Variants in ZNF90 observed in about 807,000 individuals in gnomAD.
ZNF90 encodes the protein zinc finger protein 90, also known as zinc finger protein HTF9.
Under a neutral mutation model 12.0 loss-of-function variants are expected in ZNF90, and 11 were observed. The observed-to-expected ratio is 0.92, with a 90% CI of 0.58 to 1.52. The LOEUF is 1.52. Ranked by LOEUF, ZNF90 falls within the 40% of genes most tolerant of loss-of-function variation. The pLI is 0.00. For missense variants in ZNF90, 765 were observed against 711.5 expected, an observed-to-expected ratio of 1.08 and a Z score of -0.86; for synonymous variants, 232 against 240.1, an observed-to-expected ratio of 0.97 and a Z score of 0.31.
intron 3 of ZNF90, among the ~76,000 whole-genome samples, chr19:20,115,560 A>T (rs1167620338): frequency 6.6e-6 from 1 of 151,906 alleles, no homozygotes; most frequent in Non-Finnish European, 1.5e-5. Context: ...TGGTAAAAAA[A>T]TAACTTAAGT....
intron 1 of ZNF90, among the ~76,000 whole-genome samples, chr19:20,087,961 C>T (rs980157841): frequency 6.6e-6 from 1 of 152,040 alleles, no homozygotes; most frequent in East Asian, 1.9e-4. Flanking sequence ...GTGATGTCAA[C>T]AGTTAAGGCA....
intron 3 of ZNF90, among the ~76,000 whole-genome samples, chr19:20,111,444 C>T (rs2089088101): frequency 6.6e-6 from 1 of 152,024 alleles, no homozygotes; most frequent in Non-Finnish European, 1.5e-5. Flanking sequence ...TGGCCTTGAA[C>T]TCCTGGGATC....
rs553704192 is a variant in ZNF90, at chr19:20,096,577, G to A, written c.4-7662G>A. Among the ~76,000 whole-genome samples, 254 of 152,268 alleles carry A rather than the reference G, an allele frequency of 1.7e-3. 1 individual carries two copies. The highest frequency in any genetic ancestry group is 4.8e-3 in the African/African-American group (200 of 41,546). On this transcript the variant is annotated intron_variant, in intron 1 of 3. Coordinates refer to ENST00000418063, the MANE Select transcript of ZNF90 (RefSeq NM_007138.2). Reference sequence around the variant, plus strand: ...GGGGGTGCTTTTTGAGCCAGGATGAGCCAGGAAAAGGACTTTCACAAGGTA... The same window carrying A: ...GGGGGTGCTTTTTGAGCCAGGATGAACCAGGAAAAGGACTTTCACAAGGTA...
At chr19:20,086,640 A>C (rs1159812987) in intron 1 of ZNF90, among the ~76,000 whole-genome samples, 1 of 152,178 alleles carries the variant, frequency 6.6e-6, no homozygotes, top group African/African-American at 2.4e-5. Context: ...AAATGTTTTA[A>C]CTGAAGTATA....
intron 1 of ZNF90, among the ~76,000 whole-genome samples, chr19:20,096,020 G>A (rs949032131): frequency 6.6e-6 from 1 of 152,182 alleles, no homozygotes; most frequent in Admixed American, 6.5e-5. Flanking sequence ...ACCGGTGCCG[G>A]AGTTTTGGGT....
chr19:20,082,440 C>T (rs1274027091), intron 1 of ZNF90, among the ~76,000 whole-genome samples: 1 of 152,182 alleles, frequency 6.6e-6, no homozygotes, highest in African/African-American at 2.4e-5. Context: ...ATTCTTCTGC[C>T]TTGAGATACT....
At chr19:20,104,626 T>C (rs1568288488) in intron 2 of ZNF90, among the ~76,000 whole-genome samples, 1 of 152,202 alleles carries the variant, frequency 6.6e-6, no homozygotes, top group Non-Finnish European at 1.5e-5. Context: ...CATAAAATAT[T>C]GTTACCTCCA....
intron 1 of ZNF90, among the ~76,000 whole-genome samples, chr19:20,098,321 G>A (rs2088964398): frequency 6.6e-6 from 1 of 152,226 alleles, no homozygotes; most frequent in Non-Finnish European, 1.5e-5. Context: ...TGAGATGTCA[G>A]CAAAGACAGC....
intron 1 of ZNF90, among the ~76,000 whole-genome samples, chr19:20,099,068 A>C (rs2122498880): frequency 6.6e-6 from 1 of 152,348 alleles, no homozygotes; most frequent in South Asian, 2.1e-4. Context: ...TGGTACAACA[A>C]ATACACGTGT....
Position 20,078,101 on chromosome 19 carries a change from T to G in ZNF90, c.-32T>G. Reference sequence around the variant, plus strand: ...CCTGTGACCTGCAGGTATTGGGAGATCCACAGCTGAGGGACCCCCGGAAGC... The same window carrying G: ...CCTGTGACCTGCAGGTATTGGGAGAGCCACAGCTGAGGGACCCCCGGAAGC... On this transcript the variant is annotated 5_prime_UTR_variant, in exon 1 of 4. Coordinates refer to ENST00000418063, the MANE Select transcript of ZNF90 (RefSeq NM_007138.2). 1 of 1,614,072 alleles carries G rather than the reference T, an allele frequency of 6.2e-7. No homozygotes were observed. Among genetic ancestry groups the G allele is most frequent in the East Asian group, 2.2e-5 (1 of 44,890 alleles).
At position 20,091,089 on chromosome 19, in the gene ZNF90, C is replaced by T. The variant is rs61169270; in HGVS notation, c.3+12954C>T. 4.3e-3 allele frequency among the ~76,000 whole-genome samples: 654 copies of T among 151,998 alleles called. 5 individuals are homozygous for T. The highest frequency in any genetic ancestry group is 0.014 in the African/African-American group (593 of 41,276). On this transcript the variant is annotated intron_variant, in intron 1 of 3. Transcript: ENST00000418063. ...TCTGACAGAAGGGAAGAAATGACCG[C>T]GGTGGCCTTTCAGACCCTGTGGGGA...
chr19:20,079,566 G>A (rs559889626), intron 1 of ZNF90, among the ~76,000 whole-genome samples: 1 of 152,310 alleles, frequency 6.6e-6, no homozygotes, highest in East Asian at 1.9e-4. Flanking sequence ...CTAGGGAGGA[G>A]CAAAGAAGTT....
chr19:20,113,936 AT>A (rs2089114204), intron 3 of ZNF90, among the ~76,000 whole-genome samples: 1 of 152,078 alleles, frequency 6.6e-6, no homozygotes, highest in Non-Finnish European at 1.5e-5. Flanking sequence ...CTAACTCTGT[AT>A]TTTTTTAAGG....
At chr19:20,096,724 C>G (rs1555703324) in intron 1 of ZNF90, among the ~76,000 whole-genome samples, 2 of 152,130 alleles carry the variant, frequency 1.3e-5, no homozygotes, top group African/African-American at 4.8e-5. Context: ...ACCATCTGGG[C>G]ATATACGTGC....
chr19:20,106,296 G>A (rs1219967760), intron 3 of ZNF90, among the ~76,000 whole-genome samples: 2 of 151,850 alleles, frequency 1.3e-5, no homozygotes, highest in Non-Finnish European at 2.9e-5. Context: ...TCTAGAAACA[G>A]CAACTTTTTA....
chr19:20,109,408 A>C (rs1471753194), intron 3 of ZNF90, among the ~76,000 whole-genome samples: 1 of 152,260 alleles, frequency 6.6e-6, no homozygotes, highest in East Asian at 1.9e-4. Context: ...TACTTTCACC[A>C]TGTGTTTAAT....
At chr19:20,079,453 GAA>G (rs1325981764) in intron 1 of ZNF90, among the ~76,000 whole-genome samples, 1 of 151,728 alleles carries the variant, frequency 6.6e-6, no homozygotes, top group African/African-American at 2.4e-5. Context: ...TAGATTTATG[GAA>G]AAAAATGAAT....
intron 1 of ZNF90, among the ~76,000 whole-genome samples, chr19:20,102,405 A>G (rs188773867): frequency 1.4e-4 from 21 of 152,290 alleles, no homozygotes; most frequent in African/African-American, 4.8e-4. Flanking sequence ...AAAATAGCCA[A>G]TCAGAATTAG....
intron 3 of ZNF90, among the ~76,000 whole-genome samples, chr19:20,114,385 C>T (rs2089117970): frequency 6.6e-6 from 1 of 152,156 alleles, no homozygotes; most frequent in African/African-American, 2.4e-5. Flanking sequence ...AATCTCTATA[C>T]ACATTAAACA....
Sources: gnomAD v4.1 joint callset for allele counts (sites outside exome capture counted in the v4.1 genomes callset) on GRCh38, gnomAD v4.1.1 for gene constraint, MANE v1.5 for transcripts, NCBI Gene and HGNC (gene_info 2026-07-23, HGNC 2026-07-21) for gene names.